PDE3A: variants seen among roughly 807,000 people sequenced by gnomAD.
PDE3A encodes cGMP-inhibited 3',5'-cyclic phosphodiesterase 3A.
In PDE3A, 43 loss-of-function variants were observed where a neutral mutation model predicts 98.3. The ratio of observed to expected loss-of-function variants is 0.44; its 90% CI spans 0.34 to 0.56. The LOEUF (loss-of-function observed/expected upper bound fraction) is 0.56. PDE3A is among the 20% of genes least tolerant of loss of function. The pLI, the probability that PDE3A is intolerant of heterozygous loss-of-function variation, is 0.01. For missense variants in PDE3A, 1,427 were observed against 1,440.7 expected (o/e 0.99, Z 0.15); for synonymous variants, 663 against 567.9 (o/e 1.17, Z -2.38).
intron 1 of PDE3A, among the ~76,000 whole-genome samples, chr12:20,471,514 AT>A (rs1307578880): frequency 1.3e-5 from 2 of 152,024 alleles, no homozygotes; most frequent in African/African-American, 2.4e-5. Context: ...GAGTCCAATC[AT>A]GCTCTCTCTT....
At chr12:20,551,898 G>A in intron 1 of PDE3A, 1 of 1,613,484 alleles carries the variant, frequency 6.2e-7, no homozygotes, top group South Asian at 1.1e-5. Context: ...CCATCCCGGG[G>A]ATCCCCGTGG....
rs550166528 is a variant in PDE3A, at chr12:20,680,047, A to C, written c.3202A>C (p.Arg1068=). Residue 1068 remains arginine, a synonymous_variant, in exon 16 of 16, where the codon AGG becomes CGG. Coordinates refer to ENST00000359062, the MANE Select transcript of PDE3A (RefSeq NM_000921.5). ...TATTTTAGAAAAGAAGACTTTCAAA[A>C]GGAGAAAAATCTACTGCCAAATAAC... The part of the protein sequence containing the change: ...NESPKKKTFK[R]RKIYCQITQH... 1 of 1,599,874 alleles carries C rather than the reference A, an allele frequency of 6.3e-7. No individual in the cohort carries two copies. The highest frequency in any genetic ancestry group is 1.1e-5 in the South Asian group (1 of 89,992).
At position 20,448,850 on chromosome 12, in the gene PDE3A, T is replaced by C. The variant is rs73239587; in HGVS notation, c.960+78606T>C. On this transcript the variant is annotated intron_variant, in intron 1 of 15. Transcript: ENST00000359062. ...CCCCACGCCCTAGCCTCCTGAGTAG[T>C]TGGAATTACCACATTACATTTTGAA... Among the ~76,000 whole-genome samples the C allele has an allele frequency of 3.9e-3, 593 of 151,650 alleles. 4 individuals are homozygous for C. The highest frequency in any genetic ancestry group is 0.014 in the African/African-American group (562 of 41,376).
chr12:20,587,065 A>G (rs1943215702), intron 2 of PDE3A, among the ~76,000 whole-genome samples: 1 of 152,142 alleles, frequency 6.6e-6, no homozygotes. Flanking sequence ...GTAGGCAATA[A>G]ATAACTTAAA....
intron 13 of PDE3A, among the ~76,000 whole-genome samples, chr12:20,650,160 CTTTTAGTTATT>C (rs1944882869): frequency 6.6e-6 from 1 of 152,054 alleles, no homozygotes; most frequent in South Asian, 2.1e-4. Context: ...CAGTTATACT[CTTTTAGTTATT>C]TTAAAATGTA....
chr12:20,673,593 T>C (rs1268363497), intron 15 of PDE3A, among the ~76,000 whole-genome samples: 3 of 150,146 alleles, frequency 2.0e-5, no homozygotes, highest in Admixed American at 1.3e-4. Context: ...AGTAAACTAT[T>C]GCAAGAACAA....
At chr12:20,668,259 G>A (rs1275260747) in intron 15 of PDE3A, among the ~76,000 whole-genome samples, 1 of 152,252 alleles carries the variant, frequency 6.6e-6, no homozygotes, top group African/African-American at 2.4e-5. Context: ...CAAGGCGGCA[G>A]TGAGGCTGGG....
intron 1 of PDE3A, among the ~76,000 whole-genome samples, chr12:20,433,019 C>G (rs1365139822): frequency 6.6e-6 from 1 of 152,066 alleles, no homozygotes. Flanking sequence ...TTGATTTTGC[C>G]CTCCTCTAAA....
At chr12:20,671,748 G>T (rs1217663807) in intron 15 of PDE3A, among the ~76,000 whole-genome samples, 1 of 138,890 alleles carries the variant, frequency 7.2e-6, no homozygotes, top group Non-Finnish European at 1.6e-5. Context: ...ATATCATACT[G>T]AATGGGCAAA....
Position 20,687,262 on chromosome 12 carries a change from TG to T in PDE3A, c.*6994del, listed in dbSNP as rs1432443046. 6.6e-6 allele frequency among the ~76,000 whole-genome samples: 1 copy of T among 152,090 alleles called. No individual in the cohort carries two copies. Among genetic ancestry groups the T allele is most frequent in the Non-Finnish European group, 1.5e-5 (1 of 67,964 alleles). ...TCTTTTTAAAATTCCCAACTGATTA[TG>T]GGTCAAAAACTCCATCTTATATCAG... On this transcript the variant is annotated 3_prime_UTR_variant, in exon 16 of 16. Coordinates refer to ENST00000359062, the MANE Select transcript of PDE3A (RefSeq NM_000921.5).
At chr12:20,432,644 C>T (rs1038306947) in intron 1 of PDE3A, among the ~76,000 whole-genome samples, 10 of 152,084 alleles carry the variant, frequency 6.6e-5, no homozygotes, top group African/African-American at 2.2e-4. Flanking sequence ...AGAGGAAGAG[C>T]TTCAATTATT....
chr12:20,502,026 T>C (rs1430396749), intron 1 of PDE3A, among the ~76,000 whole-genome samples: 1 of 152,186 alleles, frequency 6.6e-6, no homozygotes, highest in East Asian at 1.9e-4. Flanking sequence ...TTCACTAATT[T>C]ACAAATGATA....
rs1476562152 is a variant in PDE3A, at chr12:20,456,526, T to G, written c.960+86282T>G. Among the ~76,000 whole-genome samples the G allele has an allele frequency of 2.6e-5, 4 of 152,070 alleles. No individual in the cohort carries two copies. In the South Asian group the frequency reaches 6.2e-4, roughly 24 times the overall value. On this transcript the variant is annotated intron_variant, in intron 1 of 15. Coordinates refer to ENST00000359062, the MANE Select transcript of PDE3A (RefSeq NM_000921.5). Reference sequence around the variant, plus strand: ...ACCCTATGTAAACTAAATCGATAGCTCCAAAGCAAAACCAACTTATAATAA... The same window carrying G: ...ACCCTATGTAAACTAAATCGATAGCGCCAAAGCAAAACCAACTTATAATAA...
At chr12:20,427,840 A>G (rs1450191121) in intron 1 of PDE3A, among the ~76,000 whole-genome samples, 1 of 152,002 alleles carries the variant, frequency 6.6e-6, no homozygotes, top group East Asian at 1.9e-4. Context: ...TATAATCTAG[A>G]ATATATAATA....
Position 20,630,065 on chromosome 12 carries a change from T to A in PDE3A, c.1698T>A (p.Thr566=), listed in dbSNP as rs1944347351. 1 of 1,613,932 alleles carries A rather than the reference T, an allele frequency of 6.2e-7. No homozygotes were observed. Among genetic ancestry groups the A allele is most frequent in the Admixed American group, 1.7e-5 (1 of 59,990 alleles). ...KQSLGSHRAL[T]YTQSAPDLSP... is the part of the protein sequence containing the mutation. Reference sequence around the variant, plus strand: ...GCCTAGGTTCTCACAGGGCCTTAACTTACACTCAGAGTGCCCCAGACCTAT... The same window carrying A: ...GCCTAGGTTCTCACAGGGCCTTAACATACACTCAGAGTGCCCCAGACCTAT... The change falls in exon 6 of 16, where the codon ACT becomes ACA. Residue 566 remains threonine (T), a synonymous_variant. Coordinates refer to ENST00000359062, the MANE Select transcript of PDE3A (RefSeq NM_000921.5).
chr12:20,659,289 T>C (rs1173897628), intron 15 of PDE3A, among the ~76,000 whole-genome samples: 4 of 152,164 alleles, frequency 2.6e-5, no homozygotes, highest in Admixed American at 1.3e-4. Flanking sequence ...TTATTCACTG[T>C]GTTTTAAAAA....
intron 2 of PDE3A, among the ~76,000 whole-genome samples, chr12:20,581,431 C>A (rs908992603): frequency 3.3e-5 from 5 of 152,204 alleles, no homozygotes; most frequent in Non-Finnish European, 7.4e-5. Flanking sequence ...AGAGAACATG[C>A]TTCACAGCTT....
chr12:20,477,399 G>T (rs1001030330), intron 1 of PDE3A, among the ~76,000 whole-genome samples: 53 of 152,284 alleles, frequency 3.5e-4, no homozygotes, highest in African/African-American at 1.3e-3. Flanking sequence ...GAATTATCAT[G>T]CAGTTTGCAA....
At chr12:20,466,854 T>A (rs1945347980) in intron 1 of PDE3A, among the ~76,000 whole-genome samples, 1 of 152,226 alleles carries the variant, frequency 6.6e-6, no homozygotes, top group Non-Finnish European at 1.5e-5. Flanking sequence ...TCTTTTCCTC[T>A]CATCAATTTT....
Sources: allele counts gnomAD v4.1 joint callset (sites outside exome capture counted in the v4.1 genomes callset), GRCh38; gene constraint gnomAD v4.1.1; transcripts MANE v1.5; gene names NCBI Gene and HGNC (gene_info 2026-07-23, HGNC 2026-07-21).